Variants in LRMDA observed in about 807,000 individuals in gnomAD.
The protein encoded by LRMDA is leucine-rich melanocyte differentiation-associated protein.
Under a neutral mutation model 29.8 loss-of-function variants are expected in LRMDA, and 18 were observed. That is an observed-to-expected ratio of 0.60 (90% CI 0.42 to 0.90). LRMDA has a LOEUF of 0.90. LRMDA is among the 40% of genes least tolerant of loss of function. LRMDA has a pLI of 0.00. For missense variants in LRMDA, 273 were observed against 273.9 expected (o/e 1.00, Z 0.02); for synonymous variants, 125 against 109.4 (o/e 1.14, Z -0.89).
chr10:75,508,463 G>C (rs1399372464), intron 2 of LRMDA, among the ~76,000 whole-genome samples: 1 of 152,156 alleles, frequency 6.6e-6, no homozygotes, highest in Non-Finnish European at 1.5e-5. Context: ...ACTAATTTCA[G>C]AGTGGAAGAG....
intron 6 of LRMDA, among the ~76,000 whole-genome samples, chr10:76,474,879 A>T (rs552919496): frequency 2.0e-4 from 31 of 151,816 alleles, no homozygotes; most frequent in Non-Finnish European, 4.3e-4. Flanking sequence ...GCGAAAACAT[A>T]CATACACAAA....
chr10:75,812,658 C>T (rs1205375219), intron 2 of LRMDA, among the ~76,000 whole-genome samples: 2 of 152,198 alleles, frequency 1.3e-5, no homozygotes, highest in Admixed American at 1.3e-4. Flanking sequence ...AGATTATTGA[C>T]AGAGCTTCTA....
intron 6 of LRMDA, among the ~76,000 whole-genome samples, chr10:76,362,216 T>A (rs1841321320): frequency 6.6e-6 from 1 of 152,190 alleles, no homozygotes; most frequent in Non-Finnish European, 1.5e-5. Flanking sequence ...AAAATCTCAA[T>A]TCCTTTAGCT....
chr10:76,069,562 C>T lies in LRMDA; in HGVS notation c.516+10779C>T, dbSNP rs568225197. ...TGAATTAGAACTCATTATTTATTTTCAACAGTGAACTAATACTCTGTCTAG... is the reference window on the plus strand; with the variant it reads ...TGAATTAGAACTCATTATTTATTTTTAACAGTGAACTAATACTCTGTCTAG... On this transcript the variant is annotated intron_variant, in intron 5 of 6. Transcript: ENST00000611255. Among the ~76,000 whole-genome samples the T allele has an allele frequency of 1.3e-4, 19 of 150,694 alleles. No homozygotes were observed. In the East Asian group the frequency reaches 3.5e-3, roughly 28 times the overall value.
At chr10:75,444,252 G>A (rs1005903046) in intron 2 of LRMDA, among the ~76,000 whole-genome samples, 1 of 152,192 alleles carries the variant, frequency 6.6e-6, no homozygotes, top group Non-Finnish European at 1.5e-5. Flanking sequence ...ACCTCTCCAT[G>A]TAGAAGGTCA....
chr10:76,485,415 C>T (rs1383022314), intron 6 of LRMDA, among the ~76,000 whole-genome samples: 2 of 151,880 alleles, frequency 1.3e-5, no homozygotes, highest in Admixed American at 1.3e-4. Flanking sequence ...TACCACATAA[C>T]AGAGTATTCA....
At chr10:76,245,638 T>C (rs138683077) in intron 5 of LRMDA, among the ~76,000 whole-genome samples, 17 of 152,302 alleles carry the variant, frequency 1.1e-4, no homozygotes, top group African/African-American at 3.8e-4. Context: ...ACCTGAGGCT[T>C]GGAGGTGTTA....
intron 6 of LRMDA, among the ~76,000 whole-genome samples, chr10:76,525,650 G>T (rs1436192469): frequency 6.6e-6 from 1 of 152,038 alleles, no homozygotes; most frequent in Non-Finnish European, 1.5e-5. Context: ...TATAACTCCG[G>T]CTATTTTTTT....
At chr10:75,630,782 T>G (rs1841312238) in intron 2 of LRMDA, among the ~76,000 whole-genome samples, 1 of 152,218 alleles carries the variant, frequency 6.6e-6, no homozygotes, top group South Asian at 2.1e-4. Context: ...AAGCACACAT[T>G]TAACCATCCC....
At chr10:76,375,739 T>C (rs912925632) in intron 6 of LRMDA, among the ~76,000 whole-genome samples, 4 of 151,026 alleles carry the variant, frequency 2.6e-5, no homozygotes, top group African/African-American at 9.7e-5. Flanking sequence ...TTTTTTTTTT[T>C]CGGGGGGAGA....
chr10:76,153,419 T>C (rs1369173062), intron 5 of LRMDA, among the ~76,000 whole-genome samples: 3 of 152,228 alleles, frequency 2.0e-5, no homozygotes, highest in Non-Finnish European at 4.4e-5. Flanking sequence ...GATACACACC[T>C]GTGTGCTCCT....
chr10:75,443,319 G>A (rs751178155), intron 2 of LRMDA, among the ~76,000 whole-genome samples: 1 of 152,118 alleles, frequency 6.6e-6, no homozygotes, highest in Non-Finnish European at 1.5e-5. Flanking sequence ...TGTTGAGTGT[G>A]ATGTTAGCTG....
At chr10:75,652,338 G>C (rs1009650573) in intron 2 of LRMDA, among the ~76,000 whole-genome samples, 1 of 152,224 alleles carries the variant, frequency 6.6e-6, no homozygotes, top group Non-Finnish European at 1.5e-5. Context: ...TTGGCAAATG[G>C]ATGGGGATGT....
chr10:75,488,856 C>T (rs564393529), intron 2 of LRMDA, among the ~76,000 whole-genome samples: 10 of 152,240 alleles, frequency 6.6e-5, no homozygotes, highest in African/African-American at 9.6e-5. Context: ...TCCCCAGAAG[C>T]GCAGTCACTT....
intron 2 of LRMDA, among the ~76,000 whole-genome samples, chr10:75,708,598 T>A (rs1371636123): frequency 1.3e-5 from 2 of 152,050 alleles, no homozygotes; most frequent in Admixed American, 6.6e-5. Flanking sequence ...AGCGATGTGA[T>A]CCCTGGGATG....
intron 2 of LRMDA, among the ~76,000 whole-genome samples, chr10:75,513,975 A>G (rs1303091664): frequency 1.3e-5 from 2 of 152,212 alleles, no homozygotes; most frequent in African/African-American, 4.8e-5. Context: ...GGTGGTAAAC[A>G]TGGACATATT....
At chr10:75,884,034 ATTTT>A (rs1845338264) in intron 2 of LRMDA, among the ~76,000 whole-genome samples, 1 of 151,596 alleles carries the variant, frequency 6.6e-6, no homozygotes, top group Non-Finnish European at 1.5e-5. Flanking sequence ...TTGAATTTTT[ATTTT>A]TTTCTTGGCT....
rs1018842536 is a variant in LRMDA at position 76,077,203 on chromosome 10, C to G, written c.516+18420C>G. Reference sequence around the variant, plus strand: ...GAGATGACATATTCATGTCCTGGTTCTGTTGACCATGCTTGAGCTTCAGAG... The same window carrying G: ...GAGATGACATATTCATGTCCTGGTTGTGTTGACCATGCTTGAGCTTCAGAG... On this transcript the variant is annotated intron_variant, in intron 5 of 6. Transcript: ENST00000611255. Among the ~76,000 whole-genome samples the G allele has an allele frequency of 4.9e-4, 74 of 152,204 alleles. 1 individual carries two copies. Among genetic ancestry groups the G allele is most frequent in the Admixed American group, 2.6e-4 (4 of 15,284 alleles).
intron 2 of LRMDA, among the ~76,000 whole-genome samples, chr10:75,559,618 C>T (rs1382175640): frequency 6.7e-6 from 1 of 148,746 alleles, no homozygotes; most frequent in African/African-American, 2.4e-5. Flanking sequence ...ATGCCTATGT[C>T]CTGAATGGTA....
Sources: gnomAD v4.1 joint callset for allele counts (sites outside exome capture counted in the v4.1 genomes callset) on GRCh38, gnomAD v4.1.1 for gene constraint, MANE v1.5 for transcripts, NCBI Gene and HGNC (gene_info 2026-07-23, HGNC 2026-07-21) for gene names.